PARD3B: variants seen among roughly 807,000 people sequenced by gnomAD.
PARD3B encodes par-3 family cell polarity regulator beta.
A neutral mutation model predicts 130.2 loss-of-function variants in PARD3B; 103 were observed. The ratio of observed to expected loss-of-function variants is 0.79; its 90% CI spans 0.67 to 0.93. PARD3B has a LOEUF of 0.93. Among genes scored for constraint, PARD3B ranks in the 40% least tolerant of loss-of-function variants. PARD3B has a pLI of 0.00. For synonymous variants in PARD3B, 583 were observed against 553.2 expected, an observed-to-expected ratio of 1.05 and a Z score of -0.76; for missense variants, 1,609 against 1,499.2, an observed-to-expected ratio of 1.07 and a Z score of -1.21.
intron 21 of PARD3B, among the ~76,000 whole-genome samples, chr2:205,523,342 T>TCTAG (rs2051176613): frequency 6.6e-6 from 1 of 151,282 alleles, no homozygotes; most frequent in Admixed American, 6.6e-5. Context: ...CCTCCCAGGT[T>TCTAG]CTAGCAATTC....
chr2:205,536,327 T>A (rs79562953), intron 21 of PARD3B, among the ~76,000 whole-genome samples: 5,275 of 152,238 alleles, frequency 0.035, 176 homozygotes, highest in South Asian at 0.13. Context: ...TATCGTGAAA[T>A]AGGCTCTATT....
At chr2:205,507,880 A>G (rs2050434631) in intron 21 of PARD3B, among the ~76,000 whole-genome samples, 3 of 152,356 alleles carry the variant, frequency 2.0e-5, no homozygotes, top group Non-Finnish European at 2.9e-5. Flanking sequence ...CACTTTGTCT[A>G]TTGGTTCAGC....
chr2:204,656,201 G>C (rs182426481), intron 1 of PARD3B, among the ~76,000 whole-genome samples: 7 of 152,288 alleles, frequency 4.6e-5, no homozygotes, highest in Admixed American at 4.6e-4. Context: ...AAGTGCTGCA[G>C]AGTTGCATGG....
At chr2:204,729,102 C>G (rs1212456782) in intron 2 of PARD3B, among the ~76,000 whole-genome samples, 1 of 152,142 alleles carries the variant, frequency 6.6e-6, no homozygotes, top group East Asian at 1.9e-4. Flanking sequence ...AAGCCTGATG[C>G]AAAGCCTTTG....
intron 20 of PARD3B, among the ~76,000 whole-genome samples, chr2:205,444,592 G>A (rs540198418): frequency 1.8e-4 from 27 of 152,304 alleles, no homozygotes; most frequent in East Asian, 1.2e-3. Flanking sequence ...CCACTGAAGC[G>A]TCATAATTGG....
chr2:205,100,510 G>C lies in PARD3B; in HGVS notation c.505-3916G>C, dbSNP rs550479833. 9.7e-4 allele frequency among the ~76,000 whole-genome samples: 147 copies of C among 151,444 alleles called. 1 individual carries two copies. Among genetic ancestry groups the C allele is most frequent in the African/African-American group, 3.4e-3 (139 of 41,284 alleles). On this transcript the variant is annotated intron_variant, in intron 4 of 22. Coordinates refer to ENST00000406610, the MANE Select transcript of PARD3B (RefSeq NM_001302769.2). ...TTCCAAAATTAATATGGAAATGCAA[G>C]AGACCCAGCATAGCCAAAGCAATCT...
At chr2:205,334,640 A>G (rs1041322531) in intron 18 of PARD3B, among the ~76,000 whole-genome samples, 4 of 152,198 alleles carry the variant, frequency 2.6e-5, no homozygotes, top group Non-Finnish European at 4.4e-5. Flanking sequence ...AAGTCTTACA[A>G]TGTTTCTTTC....
At chr2:204,590,847 C>T (rs2033043446) in intron 1 of PARD3B, among the ~76,000 whole-genome samples, 2 of 152,082 alleles carry the variant, frequency 1.3e-5, no homozygotes, top group Admixed American at 1.3e-4. Context: ...TGCTAAAAAC[C>T]CTGAGTATGG....
rs570815124 is a variant in PARD3B, at chr2:204,807,376, C to T, written c.222+121094C>T. 2.2e-4 allele frequency among the ~76,000 whole-genome samples: 33 copies of T among 152,210 alleles called. 1 individual carries two copies. Among genetic ancestry groups the T allele is most frequent in the African/African-American group, 6.7e-4 (28 of 41,546 alleles). On this transcript the variant is annotated intron_variant, in intron 2 of 22. Transcript: ENST00000406610. ...TGTTGAGGATGTGGAGAAAGGGGAA[C>T]GTTTATACACTGTTGGTCGGAATGT...
intron 2 of PARD3B, among the ~76,000 whole-genome samples, chr2:204,961,637 T>C (rs759216313): frequency 6.6e-6 from 1 of 152,132 alleles, no homozygotes; most frequent in Non-Finnish European, 1.5e-5. Flanking sequence ...TTTAGACATA[T>C]GCTCTTCAAC....
chr2:204,856,483 A>G (rs907596397), intron 2 of PARD3B, among the ~76,000 whole-genome samples: 15 of 152,130 alleles, frequency 9.9e-5, no homozygotes, highest in Non-Finnish European at 2.2e-4. Context: ...CTCCCAATCT[A>G]GGTTGTATCT....
In PARD3B at chr2:205,458,862, T is replaced by C. The variant is rs1446014978; in HGVS notation, c.3044+18190T>C. On this transcript the variant is annotated intron_variant, in intron 20 of 22. Transcript: ENST00000406610. This position sits in a 1 kb window ranked among gnomAD's most constrained non-coding sequence, Gnocchi z 4.8. Reference sequence around the variant, plus strand: ...AAGATGTATTTAATAATATGTCCCATTAAGGGACACATTGCCTTAATGCAG... The same window carrying C: ...AAGATGTATTTAATAATATGTCCCACTAAGGGACACATTGCCTTAATGCAG... 6.6e-6 allele frequency among the ~76,000 whole-genome samples: 1 copy of C among 152,186 alleles called. No individual in the cohort carries two copies. The highest frequency in any genetic ancestry group is 2.4e-5 in the African/African-American group (1 of 41,452).
At chr2:204,788,051 G>A (rs1006283941) in intron 2 of PARD3B, among the ~76,000 whole-genome samples, 2 of 152,180 alleles carry the variant, frequency 1.3e-5, no homozygotes, top group African/African-American at 2.4e-5. Flanking sequence ...CCTGAATGAT[G>A]TGTGTGTCCA....
chr2:204,643,113 C>CAAAAAAAAAAAAAA (rs1252171157), intron 1 of PARD3B, among the ~76,000 whole-genome samples: 2 of 4,306 alleles, frequency 4.6e-4, no homozygotes, highest in African/African-American at 8.3e-4. Flanking sequence ...GACTCTGTCT[C>CAAAAAAAAAAAAAA]ACAAAAAAAA....
At chr2:204,586,604 G>A (rs2032837467) in intron 1 of PARD3B, among the ~76,000 whole-genome samples, 1 of 152,106 alleles carries the variant, frequency 6.6e-6, no homozygotes, top group South Asian at 2.1e-4. Flanking sequence ...GACTTAATCT[G>A]CGGTTAATGA....
intron 2 of PARD3B, among the ~76,000 whole-genome samples, chr2:204,729,793 T>G (rs2039406635): frequency 6.6e-6 from 1 of 152,276 alleles, no homozygotes; most frequent in Admixed American, 6.5e-5. Flanking sequence ...ACCCCTGTTT[T>G]GGACAATTTA....
At chr2:205,117,916 T>TACACACACACACACACATAC (rs2030048717) in intron 6 of PARD3B, among the ~76,000 whole-genome samples, 1 of 20,376 alleles carries the variant, frequency 4.9e-5, no homozygotes, top group African/African-American at 7.6e-5. Context: ...TGTATGTGTG[T>TACACACACACACACACATAC]ACACACACAC....
chr2:204,655,719 G>A (rs1392333197), intron 1 of PARD3B, among the ~76,000 whole-genome samples: 3 of 152,088 alleles, frequency 2.0e-5, no homozygotes, highest in Non-Finnish European at 4.4e-5. Flanking sequence ...TAAATCTGTT[G>A]TGGAGGATTA....
At chr2:205,041,303 TAACA>T (rs1415366910) in intron 3 of PARD3B, among the ~76,000 whole-genome samples, 1 of 152,224 alleles carries the variant, frequency 6.6e-6, no homozygotes, top group Non-Finnish European at 1.5e-5. Flanking sequence ...CAAATAATTC[TAACA>T]GTCAGTGGGC....
Sources: allele counts gnomAD v4.1 joint callset (sites outside exome capture counted in the v4.1 genomes callset), GRCh38; gene constraint gnomAD v4.1.1; non-coding constraint Gnocchi (gnomAD v3.1); transcripts MANE v1.5; gene names NCBI Gene and HGNC (gene_info 2026-07-23, HGNC 2026-07-21).